The following CFAP47 variants were observed in gnomAD, a reference collection of about 807,000 sequenced individuals.
The protein encoded by CFAP47 is cilia and flagella associated protein 47, also known as cilia- and flagella-associated protein 47.
In CFAP47, 29 loss-of-function variants were observed where a neutral mutation model predicts 148.1. The ratio of observed to expected loss-of-function variants is 0.20; its 90% CI spans 0.15 to 0.27. The LOEUF (loss-of-function observed/expected upper bound fraction) is 0.27. Ranked by LOEUF, CFAP47 falls within the 10% of genes least tolerant of loss-of-function variation. The pLI is 1.00. For synonymous variants in CFAP47, 664 were observed against 577.3 expected (o/e 1.15, Z -2.15); for missense variants, 1,872 against 1,697.5 (o/e 1.10, Z -1.81).
chrX:36,063,030 G>A (rs766064989), intron 26 of CFAP47, among the ~76,000 whole-genome samples: 37 of 111,698 alleles, frequency 3.3e-4, no homozygotes, highest in African/African-American at 1.2e-3. Flanking sequence ...TCGTATCTTT[G>A]ACCCTCTTAT....
chrX:36,368,295 G>A (rs1431432208), intron 62 of CFAP47, among the ~76,000 whole-genome samples: 1 of 111,851 alleles, frequency 8.9e-6, no homozygotes, highest in East Asian at 2.8e-4. Context: ...GCTGAAATGT[G>A]TAGAAAACAA....
intron 57 of CFAP47, among the ~76,000 whole-genome samples, chrX:36,328,726 C>T (rs2146971093): frequency 9.7e-6 from 1 of 103,179 alleles, no homozygotes; most frequent in East Asian, 3.2e-4. Context: ...AGGAGAATGG[C>T]GTGAACCCGG....
At position 36,188,646 on chromosome X, in the gene CFAP47, A is replaced by G; in HGVS notation, c.6131A>G (p.Asp2044Gly). 1 of 297,692 alleles carries G rather than the reference A, an allele frequency of 3.4e-6. No homozygotes were observed. Among genetic ancestry groups the G allele is most frequent in the Non-Finnish European group, 5.9e-6 (1 of 170,200 alleles). 24.5% of individuals were successfully genotyped at this position (297,692 alleles called of 1,213,427 possible). A position where few individuals can be genotyped will look rare whatever the true frequency, so the allele number is the denominator to read the frequency against. Reference sequence around the variant, plus strand: ...GATGATATGAGTAGCAGTGGGAGTGACACTGATCAGGGCTGTTCCGATTCC... The same window carrying G: ...GATGATATGAGTAGCAGTGGGAGTGGCACTGATCAGGGCTGTTCCGATTCC... ...HDDDMSSSGS[D>G]TDQGCSDSPN... The change falls in exon 41 of 64, where the codon GAC becomes GGC. Residue 2044 changes from aspartate (D) to glycine (G), a missense_variant. By Grantham distance (94) the Asp-to-Gly change is moderately conservative. Transcript: ENST00000378653.
At chrX:36,028,723 A>T (rs1937249151) in intron 22 of CFAP47, among the ~76,000 whole-genome samples, 1 of 111,785 alleles carries the variant, frequency 8.9e-6, no homozygotes, top group Non-Finnish European at 1.9e-5. Flanking sequence ...ATCTTTACAG[A>T]ATTCATTTAT....
Position 35,929,663 on chromosome X carries a change from C to G in CFAP47, c.401+3495C>G, listed in dbSNP as rs757223710. On this transcript the variant is annotated intron_variant, in intron 2 of 63. Transcript: ENST00000378653. ...AAGCATATGCTTTTTACCTTTTTTT[C>G]TTTCTTTATTTCCATGGCTATAACT... Among the ~76,000 whole-genome samples, 5 of 107,095 alleles carry G rather than the reference C, an allele frequency of 4.7e-5. No individual in the cohort carries two copies. The South Asian group carries it at 1.2e-3, about 25-fold the overall frequency. 93.0% of individuals were successfully genotyped at this position (107,095 alleles called of 115,157 possible). A position where few individuals can be genotyped will look rare whatever the true frequency, so the allele number is the denominator to read the frequency against.
chrX:35,971,982 A>T lies in CFAP47; in HGVS notation c.2254+17A>T. The T allele has an allele frequency of 1.1e-6, 1 of 943,458 alleles. No individual in the cohort carries two copies. Among genetic ancestry groups the T allele is most frequent in the Non-Finnish European group, 1.5e-6 (1 of 675,078 alleles). The allele number at this position is 943,458 out of a possible 1,213,427, so 77.8% of individuals were successfully genotyped here. ...TAATTGTTGGTGAGAATACACAAAA[A>T]CCTACTACAGCCTTTATTTTTTTAT... On this transcript the variant is annotated intron_variant, in intron 13 of 63. Coordinates refer to ENST00000378653, the MANE Select transcript of CFAP47 (RefSeq NM_001304548.2).
chrX:35,927,596 G>GGTGTGTGTGT (rs371527797), intron 2 of CFAP47, among the ~76,000 whole-genome samples: 106 of 106,293 alleles, frequency 1.0e-3, no homozygotes, highest in African/African-American at 3.5e-3. Flanking sequence ...GTTGAAGGAA[G>GGTGTGTGTGT]GTGTGTGTGT....
chrX:36,379,590 G>A (rs1942059069), intron 63 of CFAP47, 72 bp downstream of exon 63: 1 of 827,873 alleles, frequency 1.2e-6, no homozygotes, highest in East Asian at 3.5e-5. Flanking sequence ...AGCAAGAAAA[G>A]GTTTTACTAC....
intron 41 of CFAP47, 89 bp from the exon 42 acceptor site, chrX:36,189,962 T>G: frequency 1.0e-5 from 3 of 291,717 alleles, no homozygotes; most frequent in East Asian, 9.7e-5. Context: ...GCTAATGTTA[T>G]GAACATTTTT....
In CFAP47 at chrX:36,306,855, C is replaced by T; in HGVS notation, c.8166C>T (p.Cys2722=). The change falls in exon 55 of 64, where the codon TGC becomes TGT. Residue 2722 remains cysteine (C), a synonymous_variant. Transcript: ENST00000378653. ...SALGRADHQA[C]INFYCTQFTE... is the part of the protein sequence containing the mutation. ...TTGGAAGAGCTGATCATCAAGCTTG[C>T]ATCAACTTCTACTGTACTCAGGTAT... 1 of 1,140,571 alleles carries T rather than the reference C, an allele frequency of 8.8e-7. No homozygotes were observed. The highest frequency in any genetic ancestry group is 1.2e-6 in the Non-Finnish European group (1 of 850,590). The allele number at this position is 1,140,571 out of a possible 1,213,427, so 94.0% of individuals were successfully genotyped here. A position where few individuals can be genotyped will look rare whatever the true frequency, so the allele number is the denominator to read the frequency against.
intron 22 of CFAP47, among the ~76,000 whole-genome samples, chrX:36,023,951 C>CA (rs1175816688): frequency 8.9e-6 from 1 of 112,248 alleles, no homozygotes; most frequent in Non-Finnish European, 1.9e-5. Context: ...TGCTCTCCCC[C>CA]ACTGTTGCTG....
At chrX:36,175,495 G>T (rs1209267110) in intron 39 of CFAP47, among the ~76,000 whole-genome samples, 1 of 111,620 alleles carries the variant, frequency 9.0e-6, no homozygotes, top group Admixed American at 9.5e-5. Context: ...TGTCCTTTCT[G>T]TTTGTTAGTT....
intron 43 of CFAP47, 98 bp downstream of exon 43, chrX:36,200,591 T>C (rs1201420211): frequency 3.5e-6 from 1 of 285,227 alleles, no homozygotes; most frequent in Non-Finnish European, 6.1e-6. Flanking sequence ...TTCTCTTCTG[T>C]GTGTTTAGAT....
intron 45 of CFAP47, among the ~76,000 whole-genome samples, chrX:36,207,265 A>G (rs151102629): frequency 0.013 from 1,447 of 111,920 alleles, 21 homozygotes; most frequent in African/African-American, 0.044. Flanking sequence ...ATAAACAAGC[A>G]AATTTCTGAT....
chrX:36,155,321 T>G (rs1369911996), intron 37 of CFAP47, among the ~76,000 whole-genome samples: 1 of 111,957 alleles, frequency 8.9e-6, no homozygotes, highest in African/African-American at 3.2e-5. Context: ...TATTCATTCA[T>G]ATGTAATAAC....
At chrX:36,147,530 G>A (rs1939252362) in intron 36 of CFAP47, among the ~76,000 whole-genome samples, 1 of 112,546 alleles carries the variant, frequency 8.9e-6, no homozygotes, top group African/African-American at 3.2e-5. Context: ...GTCTGTTAAT[G>A]AATATTTGAA....
intron 53 of CFAP47, among the ~76,000 whole-genome samples, chrX:36,302,922 G>T (rs1270356296): frequency 9.0e-6 from 1 of 111,576 alleles, no homozygotes; most frequent in Non-Finnish European, 1.9e-5. Context: ...ATAACATTAG[G>T]TCTCAAAAAT....
In CFAP47 at chrX:35,999,532, A is replaced by G. The variant is rs149777243; in HGVS notation, c.3178-751A>G. ...ATCACGCTAAGGTCCAGTAGAAGAG[A>G]CAGATAAGTAAATAAATACATAAAT... On this transcript the variant is annotated intron_variant, in intron 19 of 63. Coordinates refer to ENST00000378653, the MANE Select transcript of CFAP47 (RefSeq NM_001304548.2). Among the ~76,000 whole-genome samples, 572 of 112,270 alleles carry G rather than the reference A, an allele frequency of 5.1e-3. 5 individuals are homozygous for G. Among genetic ancestry groups the G allele is most frequent in the Non-Finnish European group, 7.8e-3 (413 of 53,190 alleles).
Position 36,000,351 on chromosome X carries a change from A to G in CFAP47, c.3246A>G (p.Lys1082=). 3 of 294,506 alleles carry G rather than the reference A, an allele frequency of 1.0e-5. No individual in the cohort carries two copies. Among genetic ancestry groups the G allele is most frequent in the Non-Finnish European group, 1.2e-5 (2 of 169,121 alleles). The allele number at this position is 294,506 out of a possible 1,213,427, so 24.3% of individuals were successfully genotyped here. A position where few individuals can be genotyped will look rare whatever the true frequency, so the allele number is the denominator to read the frequency against. Residue 1082 remains lysine (K), a synonymous_variant, in exon 20 of 64, where the codon AAA becomes AAG. Coordinates refer to ENST00000378653, the MANE Select transcript of CFAP47 (RefSeq NM_001304548.2). ...TQIIPFVIKN[K]GITRARVEFN... The stretch of plus-strand genomic sequence containing the variant: ...TTATTCCATTTGTAATAAAAAACAA[A>G]GGTATAACACGTGCCAGAGTGGAGT...
Sources: allele counts gnomAD v4.1 joint callset (sites outside exome capture counted in the v4.1 genomes callset), GRCh38; gene constraint gnomAD v4.1.1; transcripts MANE v1.5; gene names NCBI Gene and HGNC (gene_info 2026-07-23, HGNC 2026-07-21).